The following CATSPERB variants were observed in gnomAD, a reference collection of about 807,000 sequenced individuals.
CATSPERB encodes the protein cation channel sperm-associated auxiliary subunit beta.
In CATSPERB, 93 loss-of-function variants were observed where a neutral mutation model predicts 128.3. The observed-to-expected ratio is 0.72, with a 90% CI of 0.61 to 0.86. The LOEUF (loss-of-function observed/expected upper bound fraction) is 0.86, where lower values mean the gene tolerates loss of function less well. Ranked by LOEUF, CATSPERB falls within the 40% of genes least tolerant of loss-of-function variation. The probability of loss-of-function intolerance (pLI) is 0.00; values close to 1 mark genes in which losing one functional copy is unlikely to be tolerated. For synonymous variants in CATSPERB, 381 were observed against 448.8 expected (o/e 0.85, Z 1.91); for missense variants, 1,153 against 1,329.5 (o/e 0.87, Z 2.06).
chr14:91,627,309 T>A (rs1322384739), intron 17 of CATSPERB, among the ~76,000 whole-genome samples: 1 of 152,224 alleles, frequency 6.6e-6, no homozygotes, highest in Non-Finnish European at 1.5e-5. Flanking sequence ...TATAAAGGAC[T>A]GTTATCCAAA....
At chr14:91,607,776 T>C (rs1295843151) in intron 22 of CATSPERB, among the ~76,000 whole-genome samples, 2 of 152,152 alleles carry the variant, frequency 1.3e-5, no homozygotes, top group Non-Finnish European at 1.5e-5. Flanking sequence ...TCCACAGGCG[T>C]CCATGTGGTC....
chr14:91,678,535 C>A (rs1895228986), intron 11 of CATSPERB, among the ~76,000 whole-genome samples: 1 of 152,180 alleles, frequency 6.6e-6, no homozygotes, highest in Admixed American at 6.5e-5. Context: ...GGCACACTAC[C>A]AAGCTGGCTT....
intron 7 of CATSPERB, among the ~76,000 whole-genome samples, chr14:91,699,280 A>C (rs1037636267): frequency 1.3e-5 from 2 of 152,162 alleles, no homozygotes; most frequent in Non-Finnish European, 2.9e-5. Context: ...GAATCTCCAC[A>C]CTGTTTTTCA....
At chr14:91,589,078 C>T (rs562022004) in intron 24 of CATSPERB, among the ~76,000 whole-genome samples, 1 of 152,304 alleles carries the variant, frequency 6.6e-6, no homozygotes, top group East Asian at 1.9e-4. Context: ...CTTATTTAAA[C>T]TATTTCTGCA....
At chr14:91,702,191 G>A (rs1197068476) in intron 7 of CATSPERB, among the ~76,000 whole-genome samples, 1 of 151,808 alleles carries the variant, frequency 6.6e-6, no homozygotes, top group Non-Finnish European at 1.5e-5. Context: ...ACAGAAGTAA[G>A]GTAGGTATTG....
chr14:91,689,853 A>G (rs752868871), intron 10 of CATSPERB, among the ~76,000 whole-genome samples: 12 of 152,122 alleles, frequency 7.9e-5, no homozygotes, highest in Non-Finnish European at 1.5e-4. Context: ...CTTATTCCCC[A>G]TATTGGTTCT....
chr14:91,669,729 GCT>G (rs1196754689), intron 14 of CATSPERB, 83 bp downstream of exon 14: 1 of 1,301,786 alleles, frequency 7.7e-7, no homozygotes, highest in Non-Finnish European at 1.0e-6. Context: ...CATCAGAGAA[GCT>G]CTGTTCTTAA....
intron 6 of CATSPERB, among the ~76,000 whole-genome samples, chr14:91,706,121 C>G (rs1190842015): frequency 6.6e-6 from 1 of 152,170 alleles, no homozygotes; most frequent in African/African-American, 2.4e-5. Flanking sequence ...TCAATAAAAT[C>G]TGCTACAAAC....
At chr14:91,655,633 C>T (rs920800251) in intron 15 of CATSPERB, among the ~76,000 whole-genome samples, 36 of 151,896 alleles carry the variant, frequency 2.4e-4, no homozygotes, top group Admixed American at 2.3e-3. Context: ...CTTAAAAATA[C>T]ACAATTAGAG....
chr14:91,645,742 C>G (rs1391053662), intron 15 of CATSPERB, among the ~76,000 whole-genome samples: 5,960 of 144,122 alleles, frequency 0.041, 305 homozygotes, highest in African/African-American at 0.12. Flanking sequence ...CCACCCAGTT[C>G]GAGCTTCCCG....
chr14:91,679,412 T>C (rs909639752), intron 11 of CATSPERB, among the ~76,000 whole-genome samples: 3 of 152,194 alleles, frequency 2.0e-5, no homozygotes, highest in Admixed American at 6.6e-5. Context: ...AGAGATAATA[T>C]AGGACAAGAT....
At chr14:91,609,207 T>C (rs147082327) in intron 21 of CATSPERB, among the ~76,000 whole-genome samples, 1 of 152,332 alleles carries the variant, frequency 6.6e-6, no homozygotes, top group East Asian at 1.9e-4. Flanking sequence ...CACCTTTTTT[T>C]TTTTGTAATG....
intron 22 of CATSPERB, among the ~76,000 whole-genome samples, chr14:91,596,522 G>A (rs958551822): frequency 6.6e-6 from 1 of 152,030 alleles, no homozygotes; most frequent in African/African-American, 2.4e-5. Context: ...ACCTTTTAAA[G>A]AGCATTTAAA....
chr14:91,689,958 A>G (rs1285522819), intron 10 of CATSPERB, among the ~76,000 whole-genome samples: 1 of 152,136 alleles, frequency 6.6e-6, no homozygotes, highest in Admixed American at 6.6e-5. Flanking sequence ...TCCAATTATT[A>G]AACACAAAAT....
intron 7 of CATSPERB, among the ~76,000 whole-genome samples, chr14:91,700,090 C>T (rs932176348): frequency 6.6e-6 from 1 of 151,954 alleles, no homozygotes; most frequent in Admixed American, 6.6e-5. Flanking sequence ...TTTTGTCCCC[C>T]ACCCCTCGAC....
In CATSPERB at chr14:91,729,471, C is replaced by G. The variant is rs202153199; in HGVS notation, c.9G>C (p.Ser3=). The G allele has an allele frequency of 4.0e-6, 6 of 1,513,852 alleles. No homozygotes were observed. The South Asian group carries it at 7.3e-5, about 18-fold the overall frequency. 93.8% of individuals were successfully genotyped at this position (1,513,852 alleles called of 1,614,324 possible). The change falls in exon 2 of 27, where the codon TCG becomes TCC. Residue 3 remains serine (S), a synonymous_variant. Coordinates refer to ENST00000256343, the MANE Select transcript of CATSPERB (RefSeq NM_024764.4). The part of the protein sequence containing the change: ME[S]PLIYVSVLLL... ...GCAAAACTGAAACATATATAAGTGGCGATTCCATCTGTTGGAATAAATAAG... is the reference window on the plus strand; with the variant it reads ...GCAAAACTGAAACATATATAAGTGGGGATTCCATCTGTTGGAATAAATAAG...
rs530515287 is a variant in CATSPERB, at chr14:91,683,524, G to A, written c.931+353C>T. ...GTACTGCTGGCTTATCTAATTATGC[G>A]ATTGCTTAGAAGTTCCAGGGGCTAA... On this transcript the variant is annotated intron_variant, in intron 11 of 26. Transcript: ENST00000256343. Among the ~76,000 whole-genome samples, 7 of 152,104 alleles carry A rather than the reference G, an allele frequency of 4.6e-5. No individual in the cohort carries two copies. The South Asian group carries it at 1.2e-3, about 27-fold the overall frequency.
At chr14:91,726,337 G>A (rs947317068) in intron 2 of CATSPERB, among the ~76,000 whole-genome samples, 6 of 152,170 alleles carry the variant, frequency 3.9e-5, no homozygotes, top group Non-Finnish European at 8.8e-5. Context: ...AGGCGTGCTC[G>A]TCCGGCTCCT....
chr14:91,683,681 C>T (rs1001754461), intron 11 of CATSPERB, among the ~76,000 whole-genome samples, 196 bp downstream of exon 11: 1 of 152,108 alleles, frequency 6.6e-6, no homozygotes, highest in Non-Finnish European at 1.5e-5. Context: ...CTCAAGATAG[C>T]CACTGGGACA....
Sources: gnomAD v4.1 joint callset for allele counts (sites outside exome capture counted in the v4.1 genomes callset) on GRCh38, gnomAD v4.1.1 for gene constraint, MANE v1.5 for transcripts, NCBI Gene and HGNC (gene_info 2026-07-23, HGNC 2026-07-21) for gene names.